The following PPARG variants were observed in gnomAD, a reference collection of about 807,000 sequenced individuals.
The protein encoded by PPARG is peroxisome proliferator activated receptor gamma.
A neutral mutation model predicts 39.2 loss-of-function variants in PPARG; 17 were observed. The observed-to-expected ratio is 0.43, with a 90% CI of 0.30 to 0.65. PPARG has a LOEUF of 0.65. Among genes scored for constraint, PPARG ranks in the 30% least tolerant of loss-of-function variants. The probability of loss-of-function intolerance (pLI) is 0.13; values close to 1 mark genes in which losing one functional copy is unlikely to be tolerated. For missense variants in PPARG, 406 were observed against 585.9 expected (o/e 0.69, Z 3.17); for synonymous variants, 223 against 215.7 (o/e 1.03, Z -0.30).
Position 12,386,354 on chromosome 3 carries a change from G to A in PPARG, c.390+4863G>A, listed in dbSNP as rs2049872610. ...AAGCAAGTTCCAAGATGCATGCTAG[G>A]ATCTGTGTATTCAGTTCAAGATTTT... On this transcript the variant is annotated intron_variant, in intron 4 of 7. Transcript: ENST00000651735. Among the ~76,000 whole-genome samples the A allele has an allele frequency of 3.3e-5, 5 of 152,224 alleles. No individual in the cohort carries two copies. In the South Asian group the frequency reaches 1.0e-3, roughly 32 times the overall value.
At chr3:12,422,568 C>T (rs1245477251) in intron 7 of PPARG, among the ~76,000 whole-genome samples, 3 of 152,112 alleles carry the variant, frequency 2.0e-5, no homozygotes, top group Non-Finnish European at 4.4e-5. Context: ...TTCCATATTG[C>T]CTCCAGATAT....
intron 6 of PPARG, among the ~76,000 whole-genome samples, chr3:12,412,652 A>G (rs1421783664): frequency 6.6e-6 from 1 of 152,212 alleles, no homozygotes; most frequent in East Asian, 1.9e-4. Flanking sequence ...CACAATGACC[A>G]GTGACAGATT....
intron 7 of PPARG, among the ~76,000 whole-genome samples, chr3:12,431,099 T>C (rs1047282304): frequency 2.0e-5 from 3 of 151,630 alleles, no homozygotes; most frequent in African/African-American, 7.3e-5. Context: ...CAATACGAGA[T>C]AGATGATCAA....
At chr3:12,339,377 C>T (rs1360507524) in intron 2 of PPARG, among the ~76,000 whole-genome samples, 1 of 152,120 alleles carries the variant, frequency 6.6e-6, no homozygotes, top group Non-Finnish European at 1.5e-5. Context: ...TGTTCTAAAA[C>T]TGATTTATGG....
intron 6 of PPARG, among the ~76,000 whole-genome samples, chr3:12,413,028 G>A (rs1164739078): frequency 6.6e-6 from 1 of 152,162 alleles, no homozygotes; most frequent in Non-Finnish European, 1.5e-5. Flanking sequence ...GAAAGTGTAA[G>A]GACTCCACTT....
At position 12,312,194 on chromosome 3, in the gene PPARG, C is replaced by G. The variant is rs1182850664; in HGVS notation, c.-82-186C>G. Among the ~76,000 whole-genome samples, 3 of 152,170 alleles carry G rather than the reference C, an allele frequency of 2.0e-5. No homozygotes were observed. The East Asian group carries it at 5.8e-4, about 29-fold the overall frequency. ...GATTTATGATGAATCATTTTGTGGT[C>G]TGTTAGTTACTTCTAGAGAATAGAA... On this transcript the variant is annotated intron_variant, in intron 1 of 7. Coordinates refer to ENST00000651735, the MANE Select transcript of PPARG (RefSeq NM_138711.6).
intron 4 of PPARG, among the ~76,000 whole-genome samples, chr3:12,390,641 T>TTC (rs2050041358): frequency 7.3e-6 from 1 of 136,828 alleles, no homozygotes; most frequent in Non-Finnish European, 1.6e-5. Flanking sequence ...TTCTTCCTTT[T>TTC]TTTTTTTTTT....
intron 2 of PPARG, among the ~76,000 whole-genome samples, chr3:12,371,244 G>A (rs562710634): frequency 2.6e-5 from 4 of 152,106 alleles, no homozygotes; most frequent in Non-Finnish European, 5.9e-5. Flanking sequence ...GAAGAGATAC[G>A]AACTTCCAGC....
intron 2 of PPARG, chr3:12,344,722 A>G (rs1180286811): frequency 6.6e-6 from 1 of 152,146 alleles, no homozygotes; most frequent in African/African-American, 2.4e-5. Context: ...GACTGCTCTT[A>G]TTGCTTTATT....
intron 1 of PPARG, among the ~76,000 whole-genome samples, chr3:12,310,929 C>T (rs1355584092): frequency 2.0e-5 from 3 of 149,974 alleles, no homozygotes; most frequent in African/African-American, 7.4e-5. Context: ...TCATTTCTGG[C>T]TAACACATTA....
At chr3:12,380,508 G>A (rs1452218432) in intron 3 of PPARG, among the ~76,000 whole-genome samples, 1 of 152,106 alleles carries the variant, frequency 6.6e-6, no homozygotes, top group Non-Finnish European at 1.5e-5. Context: ...CACTTTTTGA[G>A]ATAAAATGTA....
chr3:12,375,124 C>T lies in PPARG; in HGVS notation c.-8-4580C>T, dbSNP rs796488727. The stretch of plus-strand genomic sequence containing the variant: ...GACTTTGGCTGGGCACAGTGGCTCA[C>T]GCCTATATTCCCGGAAGTTTGGGAG... On this transcript the variant is annotated intron_variant, in intron 2 of 7. Coordinates refer to ENST00000651735, the MANE Select transcript of PPARG (RefSeq NM_138711.6). Among the ~76,000 whole-genome samples, 7 of 152,134 alleles carry T rather than the reference C, an allele frequency of 4.6e-5. No homozygotes were observed. In the East Asian group the frequency reaches 5.8e-4, roughly 13 times the overall value.
At chr3:12,421,677 A>G (rs709158) in intron 7 of PPARG, among the ~76,000 whole-genome samples, 42,905 of 152,120 alleles carry the variant, frequency 0.28, 6,749 homozygotes, top group East Asian at 0.42. Flanking sequence ...AATTCACTGG[A>G]TTTTACAATA....
chr3:12,374,832 A>G (rs1282137132), intron 2 of PPARG, among the ~76,000 whole-genome samples: 1 of 152,140 alleles, frequency 6.6e-6, no homozygotes, highest in Non-Finnish European at 1.5e-5. Context: ...CTCAATTTTT[A>G]TGTAACCCTA....
At chr3:12,423,217 A>AC (rs1204956710) in intron 7 of PPARG, among the ~76,000 whole-genome samples, 1 of 152,248 alleles carries the variant, frequency 6.6e-6, no homozygotes, top group Admixed American at 6.5e-5. Flanking sequence ...TAATATAGAT[A>AC]AGTGGTTGCA....
chr3:12,318,373 A>G (rs555383203), intron 2 of PPARG, among the ~76,000 whole-genome samples: 1 of 152,348 alleles, frequency 6.6e-6, no homozygotes, highest in African/African-American at 2.4e-5. Flanking sequence ...GCTAGTTATT[A>G]GGAAGAAATG....
intron 7 of PPARG, among the ~76,000 whole-genome samples, chr3:12,427,125 CAT>C (rs2051475812): frequency 6.7e-6 from 1 of 149,462 alleles, no homozygotes; most frequent in African/African-American, 2.5e-5. Flanking sequence ...TAAGAGGACA[CAT>C]GTATAACTTT....
At chr3:12,349,381 A>C (rs544795525) in intron 2 of PPARG, among the ~76,000 whole-genome samples, 2 of 152,240 alleles carry the variant, frequency 1.3e-5, no homozygotes, top group East Asian at 3.8e-4. Context: ...TAAGTGACCC[A>C]GCACTGCAGT....
chr3:12,371,849 A>G (rs151129441), intron 2 of PPARG: 9 of 685,500 alleles, frequency 1.3e-5, no homozygotes, highest in Admixed American at 6.1e-5. Flanking sequence ...TTTCTGCTGT[A>G]GTGTTTCAGG....
Sources: allele counts gnomAD v4.1 joint callset (sites outside exome capture counted in the v4.1 genomes callset), GRCh38; gene constraint gnomAD v4.1.1; transcripts MANE v1.5; gene names NCBI Gene and HGNC (gene_info 2026-07-23, HGNC 2026-07-21).